Variants in NOL4L observed in about 807,000 individuals in gnomAD.
The protein encoded by NOL4L is nucleolar protein 4-like.
Under a neutral mutation model 64.5 loss-of-function variants are expected in NOL4L, and 7 were observed. The ratio of observed to expected loss-of-function variants is 0.11; its 90% CI spans 0.06 to 0.20. The LOEUF is 0.20. Ranked by LOEUF, NOL4L falls within the 10% of genes least tolerant of loss-of-function variation. NOL4L has a pLI of 1.00. For missense variants in NOL4L, 680 were observed against 967.1 expected (o/e 0.70, Z 3.94); for synonymous variants, 413 against 401.0 (o/e 1.03, Z -0.36).
At chr20:32,556,369 C>T (rs1033036631) in intron 1 of NOL4L, among the ~76,000 whole-genome samples, 1 of 152,030 alleles carries the variant, frequency 6.6e-6, no homozygotes, top group African/African-American at 2.4e-5. Context: ...ATGTGAAACT[C>T]ATTCCTGAAG....
chr20:32,473,712 A>AC (rs1306507193), intron 5 of NOL4L, among the ~76,000 whole-genome samples: 1 of 151,656 alleles, frequency 6.6e-6, no homozygotes, highest in Non-Finnish European at 1.5e-5. Context: ...TTCACATTAC[A>AC]CCCCTTTTTA....
At chr20:32,452,617 C>T (rs569767483) in intron 9 of NOL4L, among the ~76,000 whole-genome samples, 180 bp from the exon 10 acceptor site, 1 of 152,274 alleles carries the variant, frequency 6.6e-6, no homozygotes, top group South Asian at 2.1e-4. Context: ...GGGGCTTTCC[C>T]CAACTCTGCT....
intron 1 of NOL4L, among the ~76,000 whole-genome samples, chr20:32,532,103 A>G (rs763204046): frequency 2.0e-5 from 3 of 152,244 alleles, no homozygotes; most frequent in Non-Finnish European, 2.9e-5. Flanking sequence ...ACAGCTTTGC[A>G]CCTGGTCCAA....
chr20:32,447,403 CAAAAAAAAAAAAAAAAA>C lies in NOL4L; in HGVS notation c.*176_*192del, dbSNP rs386393630. ...TCAGAGCACCCGTGTGGTGAGATTC[CAAAAAAAAAAAAAAAAA>C]AAAAAAAAAGTGTCCTTGTGCCCAA... On this transcript the variant is annotated 3_prime_UTR_variant, in exon 11 of 11. Coordinates refer to ENST00000621426, the MANE Select transcript of NOL4L (RefSeq NM_001256798.2). 5.3e-5 allele frequency: 8 copies of C among 151,836 alleles called. 1 individual carries two copies. The East Asian group carries it at 1.5e-3, about 28-fold the overall frequency. 9.4% of individuals were successfully genotyped at this position (151,836 alleles called of 1,614,324 possible).
At chr20:32,541,272 A>G (rs1220314215) in intron 1 of NOL4L, among the ~76,000 whole-genome samples, 1 of 152,190 alleles carries the variant, frequency 6.6e-6, no homozygotes. Flanking sequence ...AGGAATAAGC[A>G]AGTGGCCTCA....
intron 1 of NOL4L, among the ~76,000 whole-genome samples, chr20:32,539,024 G>A (rs1249513029): frequency 6.6e-6 from 1 of 151,988 alleles, no homozygotes; most frequent in African/African-American, 2.4e-5. Flanking sequence ...GGCTCCAGTG[G>A]GGGTGGGGTG....
At chr20:32,581,278 C>A (rs563064614) in intron 1 of NOL4L, among the ~76,000 whole-genome samples, 9 of 152,326 alleles carry the variant, frequency 5.9e-5, no homozygotes, top group South Asian at 4.1e-4. Context: ...GCCCCACCCC[C>A]ACTTGGGCCC....
intron 3 of NOL4L, among the ~76,000 whole-genome samples, chr20:32,516,587 C>G (rs1446410341): frequency 6.6e-6 from 1 of 152,176 alleles, no homozygotes; most frequent in Non-Finnish European, 1.5e-5. Context: ...TAGGGCTCCA[C>G]ACACACACTC....
At chr20:32,573,075 C>T (rs1176326102) in intron 1 of NOL4L, among the ~76,000 whole-genome samples, 1 of 151,702 alleles carries the variant, frequency 6.6e-6, no homozygotes, top group African/African-American at 2.4e-5. Flanking sequence ...CTCGCTGTCA[C>T]CCAGGCTGGA....
intron 1 of NOL4L, among the ~76,000 whole-genome samples, chr20:32,546,738 T>A (rs1312564935): frequency 6.6e-6 from 1 of 152,202 alleles, no homozygotes; most frequent in Non-Finnish European, 1.5e-5. Flanking sequence ...CCGGCAAGGC[T>A]GTAATTCTAA....
chr20:32,546,888 A>G (rs1456744673), intron 1 of NOL4L, among the ~76,000 whole-genome samples: 20 of 152,208 alleles, frequency 1.3e-4, no homozygotes, highest in Admixed American at 1.2e-3. Flanking sequence ...CTGCATCCCC[A>G]GTATCTGCCA....
In NOL4L at chr20:32,488,745, CTTTT is replaced by C. The variant is rs199757993; in HGVS notation, c.700-14007_700-14004del. ...TTTTCTTTCTTTCTTTTCTTTCTTT[CTTTT>C]CCTTCCTTCCTTCCTTCCTTCCTTC... On this transcript the variant is annotated intron_variant, in intron 4 of 10. Transcript: ENST00000621426. Among the ~76,000 whole-genome samples the C allele has an allele frequency of 5.8e-4, 84 of 145,402 alleles. No individual in the cohort carries two copies. The East Asian group carries it at 7.0e-3, about 12-fold the overall frequency.
At position 32,446,982 on chromosome 20, in the gene NOL4L, G is replaced by T; in HGVS notation, c.*614C>A. ...CAGGATGGCCTGGCCAAGGGCTAGC[G>T]GCCACAGGGTGCACCAGGCATGCAG... On this transcript the variant is annotated 3_prime_UTR_variant, in exon 11 of 11. Transcript: ENST00000621426. 1 of 306,958 alleles carries T rather than the reference G, an allele frequency of 3.3e-6. No homozygotes were observed. Among genetic ancestry groups the T allele is most frequent in the South Asian group, 2.4e-5 (1 of 40,878 alleles). 19.0% of individuals were successfully genotyped at this position (306,958 alleles called of 1,614,324 possible).
At chr20:32,492,623 G>T (rs1365196173) in intron 4 of NOL4L, among the ~76,000 whole-genome samples, 3 of 152,232 alleles carry the variant, frequency 2.0e-5, no homozygotes, top group Admixed American at 6.5e-5. Flanking sequence ...AGCTTCCATG[G>T]CTAAGCAGCC....
At chr20:32,531,383 T>C (rs949834085) in intron 1 of NOL4L, among the ~76,000 whole-genome samples, 17 of 152,046 alleles carry the variant, frequency 1.1e-4, no homozygotes, top group East Asian at 3.9e-4. Flanking sequence ...TTTTTTTCTT[T>C]TTTTTGAAAC....
Position 32,460,792 on chromosome 20 carries a change from G to T in NOL4L, c.842-4397C>A, listed in dbSNP as rs2145446623. Among the ~76,000 whole-genome samples the T allele has an allele frequency of 6.6e-6, 1 of 152,312 alleles. No individual in the cohort carries two copies. The highest frequency in any genetic ancestry group is 1.9e-4 in the East Asian group (1 of 5,176). On this transcript the variant is annotated intron_variant, in intron 5 of 10. Transcript: ENST00000621426. The surrounding 1 kb of genome is among the most constrained non-coding windows in gnomAD (Gnocchi z 5.7). Reference sequence around the variant, plus strand: ...GGCCACTGTGGGGATGGGGGCAACTGCCACCCTCGGAGCTCATGCTCCAGC... The same window carrying T: ...GGCCACTGTGGGGATGGGGGCAACTTCCACCCTCGGAGCTCATGCTCCAGC...
At chr20:32,572,836 T>G (rs1317311039) in intron 1 of NOL4L, among the ~76,000 whole-genome samples, 1 of 151,506 alleles carries the variant, frequency 6.6e-6, no homozygotes, top group Non-Finnish European at 1.5e-5. Flanking sequence ...CCCTTCTACC[T>G]CTGCCCACTG....
At chr20:32,475,180 T>C in intron 4 of NOL4L, 1 of 985,460 alleles carries the variant, frequency 1.0e-6, no homozygotes, top group Non-Finnish European at 1.2e-6. Flanking sequence ...GAGGCTGAGC[T>C]GAGTGCCCCC....
chr20:32,580,038 A>C (rs895769481), intron 1 of NOL4L, among the ~76,000 whole-genome samples: 1 of 152,218 alleles, frequency 6.6e-6, no homozygotes, highest in Non-Finnish European at 1.5e-5. Flanking sequence ...AATTCAGACT[A>C]AAGTGTAATG....
Sources: gnomAD v4.1 joint callset for allele counts (sites outside exome capture counted in the v4.1 genomes callset) on GRCh38, gnomAD v4.1.1 for gene constraint, Gnocchi (gnomAD v3.1) non-coding constraint, MANE v1.5 for transcripts, NCBI Gene and HGNC (gene_info 2026-07-23, HGNC 2026-07-21) for gene names.